OSBPL10: variants seen among roughly 807,000 people sequenced by gnomAD.
OSBPL10 encodes oxysterol-binding protein-related protein 10.
A neutral mutation model predicts 81.7 loss-of-function variants in OSBPL10; 49 were observed. The ratio of observed to expected loss-of-function variants is 0.60; its 90% CI spans 0.48 to 0.76. OSBPL10 has a LOEUF of 0.76. Among genes scored for constraint, OSBPL10 ranks in the 30% least tolerant of loss-of-function variants. The probability of loss-of-function intolerance (pLI) is 0.00; values close to 1 mark genes in which losing one functional copy is unlikely to be tolerated. For synonymous variants in OSBPL10, 419 were observed against 383.6 expected (o/e 1.09, Z -1.08); for missense variants, 923 against 987.8 (o/e 0.93, Z 0.88).
In OSBPL10 at chr3:31,905,368, T is replaced by TTTTTTTTTTTTTTTTTTTA. The variant is rs869077578; in HGVS notation, c.282-25539_282-25538insTAAAAAAAAAAAAAAAAAA. On this transcript the variant is annotated intron_variant, in intron 1 of 11. Coordinates refer to ENST00000396556, the MANE Select transcript of OSBPL10 (RefSeq NM_017784.5). ...TGATTTTTTTTTTTTTTTTTTTTTT[T>TTTTTTTTTTTTTTTTTTTA]AGACGGACTCCCGTTCTGTCACCCA... Among the ~76,000 whole-genome samples, 3 of 148,188 alleles carry TTTTTTTTTTTTTTTTTTTA rather than the reference T, an allele frequency of 2.0e-5. 1 individual carries two copies. The highest frequency in any genetic ancestry group is 7.6e-5 in the African/African-American group (3 of 39,552).
chr3:31,783,110 A>ATTTT (rs1332863788), intron 4 of OSBPL10, among the ~76,000 whole-genome samples: 16 of 97,424 alleles, frequency 1.6e-4, no homozygotes, highest in African/African-American at 5.1e-4. Flanking sequence ...CAATATATCT[A>ATTTT]TTATATATAT....
intron 8 of OSBPL10, among the ~76,000 whole-genome samples, chr3:31,678,052 C>G (rs1254984429): frequency 7.4e-6 from 1 of 134,274 alleles, no homozygotes; most frequent in Non-Finnish European, 1.5e-5. Flanking sequence ...CTGCAGTCCG[C>G]AGTCCGGCCT....
chr3:31,989,858 G>A, intron 2 of OSBPL10: 4 of 1,614,174 alleles, frequency 2.5e-6, no homozygotes, highest in Non-Finnish European at 2.5e-6. Flanking sequence ...CAATATAAAT[G>A]TGATGTATGT....
chr3:31,973,040 T>G (rs1211983280), intron 1 of OSBPL10, among the ~76,000 whole-genome samples: 1 of 152,190 alleles, frequency 6.6e-6, no homozygotes, highest in Non-Finnish European at 1.5e-5. Flanking sequence ...AAATTCAAAT[T>G]CTGGATGGTT....
intron 1 of OSBPL10, among the ~76,000 whole-genome samples, chr3:31,956,008 T>C (rs1429153107): frequency 6.6e-6 from 1 of 152,224 alleles, no homozygotes; most frequent in Non-Finnish European, 1.5e-5. Flanking sequence ...ATATCCATGC[T>C]ATAGATGGGA....
chr3:31,834,393 A>G (rs1020237939), intron 3 of OSBPL10, among the ~76,000 whole-genome samples: 8 of 152,218 alleles, frequency 5.3e-5, no homozygotes, highest in Admixed American at 2.0e-4. Flanking sequence ...CACAGCCATC[A>G]GTGTTCATCT....
At chr3:31,820,585 A>T (rs551898236) in intron 4 of OSBPL10, among the ~76,000 whole-genome samples, 24 of 151,764 alleles carry the variant, frequency 1.6e-4, no homozygotes, top group Non-Finnish European at 2.9e-4. Flanking sequence ...GCAGAGCGAG[A>T]CTCCATCTCG....
intron 6 of OSBPL10, among the ~76,000 whole-genome samples, chr3:31,702,983 C>T (rs1695946093): frequency 6.6e-6 from 1 of 152,156 alleles, no homozygotes; most frequent in Non-Finnish European, 1.5e-5. Context: ...ACTATTTCTA[C>T]CCAAATCAAT....
chr3:31,991,131 A>G (rs1171375218), intron 2 of OSBPL10: 2 of 797,976 alleles, frequency 2.5e-6, no homozygotes, highest in East Asian at 2.6e-5. Context: ...TCAAGCATTA[A>G]TTGACATTAA....
chr3:31,691,322 A>C (rs1695541630), intron 7 of OSBPL10, among the ~76,000 whole-genome samples: 1 of 152,174 alleles, frequency 6.6e-6, no homozygotes, highest in African/African-American at 2.4e-5. Flanking sequence ...CCCATAGGGG[A>C]AGGCGAAGGA....
At chr3:31,984,573 A>G (rs1002720808), upstream of OSBPL10, among the ~76,000 whole-genome samples, 2 of 152,166 alleles carry the variant, frequency 1.3e-5, no homozygotes, top group Admixed American at 6.5e-5. Context: ...ACAAATCTTA[A>G]GTTTTACAAT....
intron 1 of OSBPL10, among the ~76,000 whole-genome samples, chr3:31,894,909 GA>G (rs929171927): frequency 3.3e-5 from 5 of 152,080 alleles, no homozygotes; most frequent in African/African-American, 1.2e-4. Context: ...AACTAATGAG[GA>G]AAAATGCTGT....
chr3:31,668,711 T>C lies in OSBPL10; in HGVS notation c.2027A>G (p.Asp676Gly). ...GGGATACACTGGCAGTGTGGTTGTG[T>C]CGATGACTTTGGTTTCTCCATTGTT... ...TYNNGETKVI[D>G]TTTLPVYPKK... Residue 676 changes from aspartate (D) to glycine (G), a missense_variant, in exon 10 of 12, where the codon GAC (aspartate) becomes GGC (glycine). Around this residue, in one of 3 missense-constraint regions of OSBPL10, gnomAD observed 387 missense variants for 436.3 expected, o/e 0.89. Coordinates refer to ENST00000396556, the MANE Select transcript of OSBPL10 (RefSeq NM_017784.5). 6.2e-7 allele frequency: 1 copy of C among 1,614,176 alleles called. No homozygotes were observed. The highest frequency in any genetic ancestry group is 2.2e-5 in the East Asian group (1 of 44,884).
chr3:31,853,231 G>A (rs545766508), intron 3 of OSBPL10, among the ~76,000 whole-genome samples: 81 of 152,254 alleles, frequency 5.3e-4, no homozygotes, highest in Non-Finnish European at 1.0e-3. Flanking sequence ...GCCTAAAGAG[G>A]ATTCAGAGGG....
intron 4 of OSBPL10, among the ~76,000 whole-genome samples, chr3:31,775,911 G>A (rs1698534957): frequency 6.6e-6 from 1 of 152,116 alleles, no homozygotes; most frequent in Non-Finnish European, 1.5e-5. Context: ...AACAGGTTGA[G>A]GATGTAGGGG....
Position 32,013,869 on chromosome 3 carries a change from C to G in OSBPL10, n.298+32622G>C, listed in dbSNP as rs1444979400. Among the ~76,000 whole-genome samples the G allele has an allele frequency of 2.0e-5, 3 of 152,196 alleles. No individual in the cohort carries two copies. In the East Asian group the frequency reaches 5.8e-4, roughly 29 times the overall value. ...GAAGAAATGGATAAATTCCTCGACA[C>G]ATACACCCTCCCAAGACTAAACCAG... On this transcript the variant is annotated intron_variant and non_coding_transcript_variant, in intron 2 of 3. Coordinates refer to the OSBPL10 transcript ENST00000479173.
chr3:31,897,187 G>T (rs1285549566), intron 1 of OSBPL10, among the ~76,000 whole-genome samples: 1 of 152,096 alleles, frequency 6.6e-6, no homozygotes, highest in African/African-American at 2.4e-5. Context: ...GCAAACCAGC[G>T]GAGGCTACTG....
At chr3:31,901,125 C>T (rs1006159562) in intron 1 of OSBPL10, among the ~76,000 whole-genome samples, 1 of 152,228 alleles carries the variant, frequency 6.6e-6, no homozygotes, top group African/African-American at 2.4e-5. Context: ...TTTGGATACA[C>T]ATTTTAAATC....
At chr3:31,784,769 G>A (rs1698818122) in intron 4 of OSBPL10, among the ~76,000 whole-genome samples, 1 of 151,606 alleles carries the variant, frequency 6.6e-6, no homozygotes, top group Non-Finnish European at 1.5e-5. Flanking sequence ...TTTTAGCAGA[G>A]ATGGGGTTCC....
Sources: allele counts gnomAD v4.1 joint callset (sites outside exome capture counted in the v4.1 genomes callset), GRCh38; gene constraint gnomAD v4.1.1; regional missense constraint gnomAD v4.1.1; transcripts MANE v1.5; gene names NCBI Gene and HGNC (gene_info 2026-07-23, HGNC 2026-07-21).